Variants in ZPBP observed in about 807,000 individuals in gnomAD.
ZPBP encodes the protein zona pellucida-binding protein 1.
A neutral mutation model predicts 44.8 loss-of-function variants in ZPBP; 26 were observed. The ratio of observed to expected loss-of-function variants is 0.58; its 90% confidence interval spans 0.43 to 0.81. ZPBP has a LOEUF of 0.81. Ranked by LOEUF, ZPBP falls within the 30% of genes least tolerant of loss-of-function variation. ZPBP has a pLI of 0.00. For missense variants in ZPBP, 409 were observed against 434.0 expected, an observed-to-expected ratio of 0.94 and a Z score of 0.51; for synonymous variants, 174 against 153.2, an observed-to-expected ratio of 1.14 and a Z score of -1.00.
chr7:49,946,443 A>G (rs963830749), intron 7 of ZPBP, among the ~76,000 whole-genome samples: 2 of 152,062 alleles, frequency 1.3e-5, no homozygotes, highest in Non-Finnish European at 2.9e-5. Flanking sequence ...CCATGTTTGA[A>G]GAATATTTTT....
chr7:49,876,647 T>C (rs1407418885), intron 2 of ZPBP, among the ~76,000 whole-genome samples: 1 of 152,172 alleles, frequency 6.6e-6, no homozygotes, highest in Non-Finnish European at 1.5e-5. Flanking sequence ...AATTGCCTTG[T>C]TGTTTTTTAG....
intron 3 of ZPBP, among the ~76,000 whole-genome samples, chr7:50,076,947 C>A (rs1251974727): frequency 6.6e-6 from 1 of 151,866 alleles, no homozygotes; most frequent in Admixed American, 6.6e-5. Context: ...CCAAAGCTAT[C>A]CTGAGCAAAA....
At chr7:50,055,462 T>C (rs920308531) in intron 4 of ZPBP, among the ~76,000 whole-genome samples, 2 of 152,094 alleles carry the variant, frequency 1.3e-5, no homozygotes, top group Non-Finnish European at 2.9e-5. Flanking sequence ...GTGTACATAG[T>C]AGGATATCAT....
rs1423890735 is a variant in ZPBP at position 49,981,297 on chromosome 7, T to C, written c.961+2045A>G. 2.5e-4 allele frequency among the ~76,000 whole-genome samples: 17 copies of C among 69,126 alleles called. No homozygotes were observed. The Admixed American group carries it at 3.4e-3, about 14-fold the overall frequency. The allele number at this position is 69,126 out of a possible 152,430, so 45.3% of individuals were successfully genotyped here. ...TATAATATATATTATATAATATATA[T>C]TATATATAATTATATATTATATAAT... is the stretch of plus-strand genomic sequence containing the variant. On this transcript the variant is annotated intron_variant, in intron 7 of 7. Transcript: ENST00000046087.
chr7:49,998,505 G>C (rs1246254051), intron 6 of ZPBP, among the ~76,000 whole-genome samples: 3 of 152,198 alleles, frequency 2.0e-5, no homozygotes, highest in African/African-American at 7.2e-5. Context: ...AAAATGTTCA[G>C]AAGTATTATA....
In ZPBP at chr7:49,991,268, C is replaced by T. The variant is rs546063805; in HGVS notation, c.784-7749G>A. The stretch of plus-strand genomic sequence containing the variant: ...CAGACTTTATAACATAAAGTCTCTA[C>T]AGATAACTATAAAAAGTGATTAACC... On this transcript the variant is annotated intron_variant, in intron 6 of 7. Coordinates refer to ENST00000046087, the MANE Select transcript of ZPBP (RefSeq NM_007009.3). 1.8e-4 allele frequency among the ~76,000 whole-genome samples: 27 copies of T among 152,152 alleles called. 1 individual carries two copies. In the South Asian group the frequency reaches 5.4e-3, roughly 30 times the overall value.
chr7:49,860,792 T>G (rs692478), intron 2 of ZPBP, among the ~76,000 whole-genome samples: 1 of 152,050 alleles, frequency 6.6e-6, no homozygotes, highest in African/African-American at 2.4e-5. Flanking sequence ...TCTAATAGGG[T>G]TGGTCTCCCT....
intron 7 of ZPBP, among the ~76,000 whole-genome samples, chr7:49,946,480 A>AT (rs1260687999): frequency 1.3e-5 from 2 of 151,606 alleles, no homozygotes; most frequent in African/African-American, 4.9e-5. Flanking sequence ...TAGGATACAA[A>AT]TTTTTTCTTT....
At chr7:49,948,367 T>C (rs1351814136) in intron 7 of ZPBP, among the ~76,000 whole-genome samples, 1 of 152,074 alleles carries the variant, frequency 6.6e-6, no homozygotes, top group East Asian at 1.9e-4. Flanking sequence ...GCACAAGAAA[T>C]AAAGATTGGG....
chr7:50,088,759 C>T (rs1001324106), intron 2 of ZPBP, among the ~76,000 whole-genome samples: 4 of 151,892 alleles, frequency 2.6e-5, no homozygotes, highest in Non-Finnish European at 5.9e-5. Context: ...TGGATAATAA[C>T]AATGTTTAGG....
At chr7:49,897,242 T>A (rs1375678174) in intron 2 of ZPBP, among the ~76,000 whole-genome samples, 2 of 152,150 alleles carry the variant, frequency 1.3e-5, no homozygotes, top group Non-Finnish European at 1.5e-5. Context: ...ATACCAAACA[T>A]TGAAAGAAGA....
chr7:49,856,494 A>G (rs1450150822), intron 2 of ZPBP, among the ~76,000 whole-genome samples: 1 of 152,186 alleles, frequency 6.6e-6, no homozygotes, highest in Non-Finnish European at 1.5e-5. Context: ...CTTTTCTTTA[A>G]AAATTACCCT....
chr7:50,059,830 C>T (rs2128831769), intron 3 of ZPBP, among the ~76,000 whole-genome samples: 1 of 152,070 alleles, frequency 6.6e-6, no homozygotes, highest in South Asian at 2.1e-4. Flanking sequence ...CCCCTGACTG[C>T]CTTCTTATTT....
At chr7:50,010,414 T>C (rs1048662740) in intron 6 of ZPBP, among the ~76,000 whole-genome samples, 2 of 151,232 alleles carry the variant, frequency 1.3e-5, no homozygotes, top group African/African-American at 2.4e-5. Context: ...TGGACATCCA[T>C]AGGCAAAAAA....
At chr7:50,020,795 G>T (rs889304955) in intron 5 of ZPBP, among the ~76,000 whole-genome samples, 1 of 152,010 alleles carries the variant, frequency 6.6e-6, no homozygotes, top group Non-Finnish European at 1.5e-5. Context: ...TCCAGAAAAT[G>T]ATCAAATGTT....
downstream of ZPBP, among the ~76,000 whole-genome samples, chr7:49,936,359 T>C (rs1391826510): frequency 6.6e-6 from 1 of 152,234 alleles, no homozygotes; most frequent in Non-Finnish European, 1.5e-5. Context: ...GTCATTTATC[T>C]TCCCTTTGTG....
intron 6 of ZPBP, among the ~76,000 whole-genome samples, chr7:50,016,479 T>C (rs892135238): frequency 3.9e-5 from 6 of 151,984 alleles, no homozygotes; most frequent in Admixed American, 2.6e-4. Flanking sequence ...CAAAATTATT[T>C]GTACACCAAA....
chr7:49,923,994 G>A lies in ZPBP; in HGVS notation n.411+11757C>T, dbSNP rs564379528. Among the ~76,000 whole-genome samples, 7 of 152,200 alleles carry A rather than the reference G, an allele frequency of 4.6e-5. No individual in the cohort carries two copies. The East Asian group carries it at 1.2e-3, about 25-fold the overall frequency. Reference sequence around the variant, plus strand: ...AAAAATTAGCTGGGCATGATGGCAGGTGCCTGTAATCCCAGCTACTTGGGA... The same window carrying A: ...AAAAATTAGCTGGGCATGATGGCAGATGCCTGTAATCCCAGCTACTTGGGA... On this transcript the variant is annotated intron_variant and non_coding_transcript_variant, in intron 1 of 2. Coordinates refer to the ZPBP transcript ENST00000465922.
At chr7:50,055,613 T>C (rs1010860058) in intron 4 of ZPBP, among the ~76,000 whole-genome samples, 2 of 152,174 alleles carry the variant, frequency 1.3e-5, no homozygotes, top group South Asian at 2.1e-4. Context: ...AAAATAGCAG[T>C]GCCTACATCA....
Sources: gnomAD v4.1 joint callset for allele counts (sites outside exome capture counted in the v4.1 genomes callset) on GRCh38, gnomAD v4.1.1 for gene constraint, MANE v1.5 for transcripts, NCBI Gene and HGNC (gene_info 2026-07-23, HGNC 2026-07-21) for gene names.